Variants in SGCD observed in about 807,000 individuals in gnomAD.
SGCD encodes the protein delta-sarcoglycan.
In SGCD, 18 loss-of-function variants were observed where a neutral mutation model predicts 36.6. The observed-to-expected ratio is 0.49, with a 90% CI of 0.34 to 0.73. The LOEUF is 0.73. Ranked by LOEUF, SGCD falls within the 30% of genes least tolerant of loss-of-function variation. The pLI is 0.01. For missense variants in SGCD, 387 were observed against 346.7 expected (o/e 1.12, Z -0.92); for synonymous variants, 133 against 130.6 (o/e 1.02, Z -0.12).
chr5:156,018,538 A>G (rs1759033390), intron 1 of SGCD, among the ~76,000 whole-genome samples: 2 of 152,152 alleles, frequency 1.3e-5, no homozygotes, highest in Non-Finnish European at 2.9e-5. Flanking sequence ...GTATTGGTAA[A>G]TTGTTTTTAA....
At chr5:156,196,185 G>A (rs988429201) in intron 3 of SGCD, among the ~76,000 whole-genome samples, 5 of 152,008 alleles carry the variant, frequency 3.3e-5, no homozygotes, top group Admixed American at 6.6e-5. Flanking sequence ...TGTTCCCCTT[G>A]GCCTGTGCAG....
intron 3 of SGCD, among the ~76,000 whole-genome samples, chr5:156,129,985 T>C (rs1762272056): frequency 6.6e-6 from 1 of 152,232 alleles, no homozygotes; most frequent in Admixed American, 6.5e-5. Flanking sequence ...GAATTATTTA[T>C]ATTCCTCTAG....
chr5:155,833,053 C>CAAAAAAAAAAAAAAAA, the SGCD span, among the ~76,000 whole-genome samples: 1 of 90,336 alleles, frequency 1.1e-5, no homozygotes, highest in Non-Finnish European at 2.3e-5. Context: ...ACTAAAAATA[C>CAAAAAAAAAAAAAAAA]GAAAAAAAAA....
intron 3 of SGCD, among the ~76,000 whole-genome samples, chr5:156,376,395 G>A (rs1257504044): frequency 6.6e-6 from 1 of 152,168 alleles, no homozygotes; most frequent in Non-Finnish European, 1.5e-5. Flanking sequence ...TGCTAACCCT[G>A]GTTGGGTAAC....
At chr5:155,865,629 G>A (rs559420686), upstream of SGCD, among the ~76,000 whole-genome samples, 1 of 152,236 alleles carries the variant, frequency 6.6e-6, no homozygotes, top group African/African-American at 2.4e-5. Flanking sequence ...TATGCTTAAG[G>A]TTGTAACATT....
intron 3 of SGCD, among the ~76,000 whole-genome samples, chr5:156,164,588 T>C (rs1763169210): frequency 6.6e-6 from 1 of 152,220 alleles, no homozygotes; most frequent in Non-Finnish European, 1.5e-5. Context: ...ATGCCTCCCA[T>C]TTATATTCAT....
intron 3 of SGCD, among the ~76,000 whole-genome samples, chr5:156,431,219 T>G (rs1752996707): frequency 6.6e-6 from 1 of 152,154 alleles, no homozygotes; most frequent in Non-Finnish European, 1.5e-5. Context: ...GCACCTCTTT[T>G]CATCTGTAGA....
At chr5:156,257,219 A>T (rs1765737276) in intron 3 of SGCD, among the ~76,000 whole-genome samples, 1 of 152,112 alleles carries the variant, frequency 6.6e-6, no homozygotes, top group Non-Finnish European at 1.5e-5. Flanking sequence ...TCACGCCTGT[A>T]ATCTCAACAC....
At chr5:156,114,838 C>A (rs1458255984) in intron 1 of SGCD, among the ~76,000 whole-genome samples, 1 of 152,022 alleles carries the variant, frequency 6.6e-6, no homozygotes, top group East Asian at 1.9e-4. Context: ...TTCCTGGAAT[C>A]TCTTACACAT....
intron 1 of SGCD, among the ~76,000 whole-genome samples, chr5:156,059,372 A>G (rs543435494): frequency 6.8e-6 from 1 of 146,708 alleles, no homozygotes; most frequent in African/African-American, 2.5e-5. Flanking sequence ...AGCCTCCAAG[A>G]ACTAAGAACT....
chr5:156,688,868 C>G (rs539244863), intron 7 of SGCD, among the ~76,000 whole-genome samples: 1 of 152,330 alleles, frequency 6.6e-6, no homozygotes, highest in East Asian at 1.9e-4. Context: ...AACATTGAGG[C>G]TCAGAGCTTA....
At chr5:156,751,262 G>A (rs1757140051) in intron 7 of SGCD, among the ~76,000 whole-genome samples, 1 of 152,174 alleles carries the variant, frequency 6.6e-6, no homozygotes, top group African/African-American at 2.4e-5. Flanking sequence ...TTCAACATAT[G>A]TTGAGATAAT....
At chr5:156,187,002 G>GT (rs34276174) in intron 3 of SGCD, among the ~76,000 whole-genome samples, 1 of 151,648 alleles carries the variant, frequency 6.6e-6, no homozygotes, top group Non-Finnish European at 1.5e-5. Context: ...TTCTTTTCAT[G>GT]TTTTTTTTCT....
intron 3 of SGCD, among the ~76,000 whole-genome samples, chr5:156,311,608 A>G (rs1297813276): frequency 6.6e-6 from 1 of 152,176 alleles, no homozygotes; most frequent in Non-Finnish European, 1.5e-5. Context: ...AGGGATCTAC[A>G]CAGAGGAGGG....
chr5:156,085,218 A>G (rs1267812224), intron 1 of SGCD, among the ~76,000 whole-genome samples: 2 of 151,922 alleles, frequency 1.3e-5, no homozygotes, highest in Non-Finnish European at 2.9e-5. Flanking sequence ...TATCAGGGTA[A>G]TACTGGACTG....
intron 3 of SGCD, among the ~76,000 whole-genome samples, chr5:156,455,873 A>G (rs1754234648): frequency 6.6e-6 from 1 of 152,200 alleles, no homozygotes; most frequent in East Asian, 1.9e-4. Context: ...GAAGACAGAA[A>G]CAAATGGGGA....
chr5:155,936,170 G>T (rs989094427), intron 1 of SGCD, among the ~76,000 whole-genome samples: 1 of 152,150 alleles, frequency 6.6e-6, no homozygotes, highest in Non-Finnish European at 1.5e-5. Flanking sequence ...TCTCTTCTCG[G>T]CATCTGCAAT....
chr5:156,184,063 C>T (rs966347714), intron 3 of SGCD, among the ~76,000 whole-genome samples: 1 of 152,190 alleles, frequency 6.6e-6, no homozygotes, highest in Non-Finnish European at 1.5e-5. Flanking sequence ...CTACTGTAAA[C>T]ATCCTCAGAA....
intron 3 of SGCD, among the ~76,000 whole-genome samples, chr5:156,234,232 A>G (rs1399621218): frequency 6.6e-6 from 1 of 152,132 alleles, no homozygotes; most frequent in East Asian, 1.9e-4. Flanking sequence ...TGGGTTGTCT[A>G]TCTTTTTATT....
Sources: gnomAD v4.1 joint callset for allele counts (sites outside exome capture counted in the v4.1 genomes callset) on GRCh38, gnomAD v4.1.1 for gene constraint, MANE v1.5 for transcripts, NCBI Gene and HGNC (gene_info 2026-07-23, HGNC 2026-07-21) for gene names.